SSBP2: variants seen among roughly 807,000 people sequenced by gnomAD.
The protein encoded by SSBP2 is single-stranded DNA-binding protein 2.
SSBP2 carries 17 observed loss-of-function variants against 61.8 expected under a neutral mutation model. The observed-to-expected ratio is 0.28, with a 90% CI of 0.19 to 0.41. The LOEUF (loss-of-function observed/expected upper bound fraction) is 0.41, where lower values mean the gene tolerates loss of function less well. SSBP2 is among the 10% of genes least tolerant of loss of function. The pLI is 1.00. For missense variants in SSBP2, 310 were observed against 458.7 expected, an observed-to-expected ratio of 0.68 and a Z score of 2.96; for synonymous variants, 139 against 141.3, an observed-to-expected ratio of 0.98 and a Z score of 0.12.
chr5:81,460,469 T>A (rs1354338793), intron 10 of SSBP2, among the ~76,000 whole-genome samples: 3 of 152,162 alleles, frequency 2.0e-5, no homozygotes, highest in Admixed American at 2.0e-4. Flanking sequence ...TTCTGTGACA[T>A]TATTAAGAGA....
At chr5:81,699,072 C>A (rs2153875227) in intron 1 of SSBP2, among the ~76,000 whole-genome samples, 1 of 152,298 alleles carries the variant, frequency 6.6e-6, no homozygotes, top group South Asian at 2.1e-4. Flanking sequence ...AGACTGTATT[C>A]TGTGTGCAAT....
chr5:81,541,475 G>GA (rs141009529), intron 4 of SSBP2, among the ~76,000 whole-genome samples: 53,533 of 151,220 alleles, frequency 0.35, 10,247 homozygotes, highest in African/African-American at 0.51. Flanking sequence ...AATCCTAAGT[G>GA]AAAAAAAACA....
chr5:81,481,133 C>G (rs1028762100), intron 6 of SSBP2, among the ~76,000 whole-genome samples: 1 of 152,146 alleles, frequency 6.6e-6, no homozygotes, highest in Non-Finnish European at 1.5e-5. Flanking sequence ...TCAGAGTCAT[C>G]CACAAGGGTC....
At chr5:81,536,628 C>T (rs898997198) in intron 4 of SSBP2, among the ~76,000 whole-genome samples, 4 of 152,142 alleles carry the variant, frequency 2.6e-5, no homozygotes, top group Admixed American at 6.5e-5. Context: ...TAGCTTTATT[C>T]ACAATTGCCA....
At chr5:81,493,983 C>A (rs937491820) in intron 5 of SSBP2, among the ~76,000 whole-genome samples, 3 of 152,052 alleles carry the variant, frequency 2.0e-5, no homozygotes, top group Non-Finnish European at 4.4e-5. Flanking sequence ...AATGACTACC[C>A]GCTGATTAGG....
At chr5:81,454,410 G>A (rs989724135) in intron 10 of SSBP2, among the ~76,000 whole-genome samples, 5 of 152,212 alleles carry the variant, frequency 3.3e-5, no homozygotes, top group Non-Finnish European at 5.9e-5. Context: ...GACAGGCGTG[G>A]TGGCTCACAC....
At position 81,550,574 on chromosome 5, in the gene SSBP2, T is replaced by C. The variant is rs139289554; in HGVS notation, c.283-36857A>G. ...CTTTGTTTTGATTTTGCACAAATGGTCTAGAACCTCAAAATAACCCTTAGC... is the reference window on the plus strand; with the variant it reads ...CTTTGTTTTGATTTTGCACAAATGGCCTAGAACCTCAAAATAACCCTTAGC... On this transcript the variant is annotated intron_variant, in intron 4 of 16. Transcript: ENST00000320672. 8.7e-4 allele frequency among the ~76,000 whole-genome samples: 133 copies of C among 152,318 alleles called. 2 individuals are homozygous for C. The East Asian group carries it at 0.023, about 26-fold the overall frequency.
chr5:81,676,692 CCT>C (rs1370649459), intron 1 of SSBP2, among the ~76,000 whole-genome samples: 1 of 152,150 alleles, frequency 6.6e-6, no homozygotes, highest in Non-Finnish European at 1.5e-5. Flanking sequence ...TCTCTTACCC[CCT>C]CCTTCCCCTC....
intron 8 of SSBP2, among the ~76,000 whole-genome samples, chr5:81,471,342 A>C (rs1765232106): frequency 6.6e-6 from 1 of 151,870 alleles, no homozygotes; most frequent in Non-Finnish European, 1.5e-5. Flanking sequence ...ATCAGATTCT[A>C]GTTTTTGAAG....
intron 10 of SSBP2, among the ~76,000 whole-genome samples, chr5:81,450,935 T>C (rs898814467): frequency 6.6e-6 from 1 of 152,242 alleles, no homozygotes; most frequent in Admixed American, 6.5e-5. Flanking sequence ...AATGTAATCA[T>C]GCTCTCCAAC....
At chr5:81,518,141 T>C (rs1364945227) in intron 4 of SSBP2, among the ~76,000 whole-genome samples, 1 of 152,082 alleles carries the variant, frequency 6.6e-6, no homozygotes, top group Admixed American at 6.6e-5. Flanking sequence ...TTCATGTGTA[T>C]GAAAAGTATT....
At chr5:81,471,090 C>T (rs1019379558) in intron 8 of SSBP2, among the ~76,000 whole-genome samples, 2 of 151,826 alleles carry the variant, frequency 1.3e-5, no homozygotes, top group East Asian at 3.9e-4. Context: ...GTAGGCATTT[C>T]TTATTTCTGA....
intron 15 of SSBP2, among the ~76,000 whole-genome samples, chr5:81,432,895 C>A: frequency 6.7e-6 from 1 of 150,052 alleles, no homozygotes; most frequent in East Asian, 2.0e-4. Context: ...AGTGAGGAGC[C>A]CCTCTGCCCG....
At chr5:81,437,390 A>C (rs758837418) in intron 15 of SSBP2, 40 bp downstream of exon 15, 4 of 1,576,448 alleles carry the variant, frequency 2.5e-6, no homozygotes, top group East Asian at 4.5e-5. Flanking sequence ...ATGTTAAATA[A>C]AATTCTGATT....
intron 4 of SSBP2, among the ~76,000 whole-genome samples, chr5:81,521,957 C>CA (rs1375946108): frequency 9.9e-5 from 15 of 151,930 alleles, no homozygotes; most frequent in Non-Finnish European, 1.9e-4. Context: ...GAAACTAGTA[C>CA]ACTTGTAGAA....
At position 81,467,178 on chromosome 5, in the gene SSBP2, G is replaced by A; in HGVS notation, c.571-137C>T. 3 of 564,456 alleles carry A rather than the reference G, an allele frequency of 5.3e-6. No individual in the cohort carries two copies. In the South Asian group the frequency reaches 1.2e-4, roughly 22 times the overall value. The allele number at this position is 564,456 out of a possible 1,614,324, so 35.0% of individuals were successfully genotyped here. ...ATAAGGCCTGTGTAATTCATTCTCT[G>A]AGGGGTCCATTCTTGTATTTTTGCT... On this transcript the variant is annotated intron_variant, in intron 8 of 16. Coordinates refer to ENST00000320672, the MANE Select transcript of SSBP2 (RefSeq NM_012446.5).
At chr5:81,751,439 T>G (rs918821675), upstream of SSBP2, among the ~76,000 whole-genome samples, 3 of 151,548 alleles carry the variant, frequency 2.0e-5, no homozygotes, top group African/African-American at 7.3e-5. Context: ...CCGCCACCCC[T>G]CCCCCCGCGC....
intron 10 of SSBP2, among the ~76,000 whole-genome samples, chr5:81,455,139 T>C (rs1188110891): frequency 1.3e-5 from 2 of 151,368 alleles, no homozygotes; most frequent in African/African-American, 4.9e-5. Context: ...AAAGGTGTCC[T>C]ACAAATATTT....
At chr5:81,441,353 G>A (rs984003268) in intron 13 of SSBP2, among the ~76,000 whole-genome samples, 7 of 152,238 alleles carry the variant, frequency 4.6e-5, no homozygotes, top group Non-Finnish European at 8.8e-5. Context: ...CCCATGGCCC[G>A]CCCACTCAGT....
Sources: allele counts gnomAD v4.1 joint callset (sites outside exome capture counted in the v4.1 genomes callset), GRCh38; gene constraint gnomAD v4.1.1; transcripts MANE v1.5; gene names NCBI Gene and HGNC (gene_info 2026-07-23, HGNC 2026-07-21).